Variants in RIMS2 observed in about 807,000 individuals in gnomAD.
RIMS2 encodes the protein regulating synaptic membrane exocytosis 2.
A neutral mutation model predicts 174.4 loss-of-function variants in RIMS2; 59 were observed. The ratio of observed to expected loss-of-function variants is 0.34; its 90% confidence interval spans 0.27 to 0.42. RIMS2 has a LOEUF of 0.42. Ranked by LOEUF, RIMS2 falls within the 10% of genes least tolerant of loss-of-function variation. The probability of loss-of-function intolerance (pLI) is 1.00; values close to 1 mark genes in which losing one functional copy is unlikely to be tolerated. For missense variants in RIMS2, 1,620 were observed against 1,666.3 expected (o/e 0.97, Z 0.48); for synonymous variants, 606 against 572.5 (o/e 1.06, Z -0.84).
intron 19 of RIMS2, among the ~76,000 whole-genome samples, chr8:104,096,326 G>C (rs1280560819): frequency 1.3e-5 from 2 of 152,134 alleles, no homozygotes. Context: ...ATTCAGAGAA[G>C]ACTATAACCT....
At chr8:104,098,788 C>G (rs1202400816) in intron 19 of RIMS2, among the ~76,000 whole-genome samples, 1 of 152,130 alleles carries the variant, frequency 6.6e-6, no homozygotes, top group Non-Finnish European at 1.5e-5. Context: ...CTGCTGCTAA[C>G]ATATTCTAGA....
At chr8:103,626,342 G>C (rs1180076208) in intron 1 of RIMS2, among the ~76,000 whole-genome samples, 1 of 152,060 alleles carries the variant, frequency 6.6e-6, no homozygotes, top group South Asian at 2.1e-4. Context: ...GTTTTTGTTT[G>C]ATGTGTATAA....
intron 1 of RIMS2, among the ~76,000 whole-genome samples, chr8:103,505,775 T>C (rs1169025114): frequency 2.6e-5 from 4 of 152,292 alleles, no homozygotes; most frequent in East Asian, 1.9e-4. Flanking sequence ...TCTTTACCAA[T>C]GTTTCAATGA....
At position 104,034,462 on chromosome 8, in the gene RIMS2, C is replaced by CTT. The variant is rs200907072; in HGVS notation, c.3334+19871_3334+19872dup. Among the ~76,000 whole-genome samples the CTT allele has an allele frequency of 5.2e-4, 61 of 118,372 alleles. 1 individual carries two copies. The highest frequency in any genetic ancestry group is 7.7e-4 in the South Asian group (3 of 3,876). The allele number at this position is 118,372 out of a possible 152,430, so 77.7% of individuals were successfully genotyped here. ...AAAACAAGTGATTTACTTGCAGTAT[C>CTT]TTTTTTTTTTTTTTTTTTTTTTTTT... On this transcript the variant is annotated intron_variant, in intron 19 of 23. Coordinates refer to ENST00000504942, the Ensembl canonical transcript of RIMS2.
intron 2 of RIMS2, among the ~76,000 whole-genome samples, chr8:103,726,901 G>T (rs7822017): frequency 0.18 from 26,381 of 150,528 alleles, 2,514 homozygotes; most frequent in African/African-American, 0.23. Context: ...ATCATGCCCA[G>T]CTAATTTTTG....
intron 1 of RIMS2, among the ~76,000 whole-genome samples, chr8:103,600,046 T>C (rs1284976781): frequency 6.6e-6 from 1 of 152,136 alleles, no homozygotes; most frequent in Non-Finnish European, 1.5e-5. Context: ...AACCCCTCAC[T>C]ACCCTTATCA....
intron 19 of RIMS2, among the ~76,000 whole-genome samples, chr8:104,158,197 T>G (rs1001623843): frequency 2.6e-5 from 4 of 152,206 alleles, no homozygotes; most frequent in Admixed American, 6.5e-5. Flanking sequence ...GGTTTCCAGC[T>G]TCATCCATGT....
At chr8:103,961,247 A>G (rs1015993695) in intron 15 of RIMS2, 114 bp downstream of exon 17, 2 of 641,388 alleles carry the variant, frequency 3.1e-6, no homozygotes, top group African/African-American at 3.7e-5. Flanking sequence ...TCACCCTCCA[A>G]AACAGCCTAT....
At chr8:104,215,275 A>G (rs1051542686) in intron 19 of RIMS2, among the ~76,000 whole-genome samples, 1 of 152,208 alleles carries the variant, frequency 6.6e-6, no homozygotes, top group African/African-American at 2.4e-5. Flanking sequence ...ATTGCCATAA[A>G]TGTTGTAATG....
At chr8:103,996,119 T>C (rs2095077896) in intron 17 of RIMS2, among the ~76,000 whole-genome samples, 2 of 151,912 alleles carry the variant, frequency 1.3e-5, no homozygotes, top group African/African-American at 4.8e-5. Flanking sequence ...ACTTTAGAGA[T>C]GATGGACTCC....
intron 5 of RIMS2, 109 bp from the exon 8 acceptor site, chr8:103,910,212 T>TGGAG: frequency 1.3e-6 from 2 of 1,587,320 alleles, no homozygotes; most frequent in Non-Finnish European, 1.7e-6. Context: ...GTGAGACATG[T>TGGAG]GGAGCCTTAC....
intron 14 of RIMS2, among the ~76,000 whole-genome samples, chr8:103,952,151 G>A (rs1210811061): frequency 6.6e-6 from 1 of 152,168 alleles, no homozygotes; most frequent in Non-Finnish European, 1.5e-5. Flanking sequence ...CAGAGCACCT[G>A]GGGGAAGGAG....
chr8:103,958,960 G>C (rs150544716), intron 14 of RIMS2, among the ~76,000 whole-genome samples: 1 of 152,074 alleles, frequency 6.6e-6, no homozygotes, highest in Non-Finnish European at 1.5e-5. Context: ...TAGGAAAAAC[G>C]CATCCAAAAA....
intron 19 of RIMS2, among the ~76,000 whole-genome samples, chr8:104,172,289 T>A (rs907402711): frequency 6.6e-6 from 1 of 152,052 alleles, no homozygotes; most frequent in East Asian, 1.9e-4. Context: ...AATGTTAGCT[T>A]TTAAGATGTG....
intron 6 of RIMS2, among the ~76,000 whole-genome samples, chr8:103,914,866 T>G (rs1480856265): frequency 6.6e-6 from 1 of 152,156 alleles, no homozygotes; most frequent in African/African-American, 2.4e-5. Flanking sequence ...ACAGCAGGTA[T>G]ACATATGACT....
intron 1 of RIMS2, among the ~76,000 whole-genome samples, chr8:103,661,883 GTGATA>G (rs944579769): frequency 1.3e-5 from 2 of 152,162 alleles, no homozygotes; most frequent in Non-Finnish European, 2.9e-5. Flanking sequence ...GAGAAAAGGA[GTGATA>G]TGATATGATT....
chr8:103,584,571 A>T (rs569190973), intron 1 of RIMS2, among the ~76,000 whole-genome samples: 3 of 152,320 alleles, frequency 2.0e-5, no homozygotes, highest in African/African-American at 7.2e-5. Flanking sequence ...GAAAAAAGAA[A>T]AATTTAAAAT....
chr8:103,972,577 A>G (rs997958190), intron 15 of RIMS2, among the ~76,000 whole-genome samples: 1 of 152,054 alleles, frequency 6.6e-6, no homozygotes, highest in East Asian at 1.9e-4. Flanking sequence ...TTCCCTCCAA[A>G]TGTCTCCAAT....
At chr8:103,823,074 A>G (rs1168618776) in intron 3 of RIMS2, among the ~76,000 whole-genome samples, 1 of 151,900 alleles carries the variant, frequency 6.6e-6, no homozygotes, top group Non-Finnish European at 1.5e-5. Context: ...TCCATTTGCT[A>G]ATTTTTAGCC....
Sources: allele counts gnomAD v4.1 joint callset (sites outside exome capture counted in the v4.1 genomes callset), GRCh38; gene constraint gnomAD v4.1.1; transcripts MANE v1.5; gene names NCBI Gene and HGNC (gene_info 2026-07-23, HGNC 2026-07-21).